Variants in SLCO3A1 observed in about 807,000 individuals in gnomAD.
SLCO3A1 encodes the protein PGE1 transporter.
A neutral mutation model predicts 63.1 loss-of-function variants in SLCO3A1; 27 were observed. The ratio of observed to expected loss-of-function variants is 0.43; its 90% confidence interval spans 0.32 to 0.59. SLCO3A1 has a LOEUF of 0.59. Ranked by LOEUF, SLCO3A1 falls within the 20% of genes least tolerant of loss-of-function variation. The pLI, the probability that SLCO3A1 is intolerant of heterozygous loss-of-function variation, is 0.09. For synonymous variants in SLCO3A1, 473 were observed against 409.9 expected, an observed-to-expected ratio of 1.15 and a Z score of -1.86; for missense variants, 773 against 945.8, an observed-to-expected ratio of 0.82 and a Z score of 2.40.
chr15:91,989,235 T>C (rs1338787069), intron 2 of SLCO3A1, among the ~76,000 whole-genome samples: 1 of 152,224 alleles, frequency 6.6e-6, no homozygotes, highest in East Asian at 1.9e-4. Flanking sequence ...TAGGCTCTTG[T>C]CTTCTCTATC....
intron 1 of SLCO3A1, among the ~76,000 whole-genome samples, chr15:91,907,814 C>T: frequency 6.6e-6 from 1 of 152,196 alleles, no homozygotes; most frequent in East Asian, 1.9e-4. Flanking sequence ...GCGTGAGTCA[C>T]CGTGCCCAGC....
intron 2 of SLCO3A1, among the ~76,000 whole-genome samples, chr15:92,070,390 C>A (rs1317579762): frequency 6.6e-6 from 1 of 152,294 alleles, no homozygotes; most frequent in East Asian, 1.9e-4. Context: ...CGCCTGTAAT[C>A]GCAGCACTTT....
intron 2 of SLCO3A1, among the ~76,000 whole-genome samples, chr15:92,016,212 G>GATAC (rs1567067787): frequency 3.5e-5 from 2 of 57,290 alleles, no homozygotes; most frequent in South Asian, 6.7e-4. Context: ...TATATAGATA[G>GATAC]ATAGATAGAT....
Position 92,163,193 on chromosome 15 carries a change from AAAAG to A in SLCO3A1, c.*62_*65del. 1.4e-6 allele frequency: 2 copies of A among 1,434,658 alleles called. No homozygotes were observed. The highest frequency in any genetic ancestry group is 1.8e-6 in the Non-Finnish European group (2 of 1,100,008). 88.9% of individuals were successfully genotyped at this position (1,434,658 alleles called of 1,614,324 possible). A position where few individuals can be genotyped will look rare whatever the true frequency, so the allele number is the denominator to read the frequency against. On this transcript the variant is annotated 3_prime_UTR_variant, in exon 10 of 10. Transcript: ENST00000318445. Reference sequence around the variant, plus strand: ...ATCCAAGGGTCATTTTTTTCTTAAAAAAAGAAAAAAAGGTTCCAAAAAAAACCAA... The same window carrying A: ...ATCCAAGGGTCATTTTTTTCTTAAAAAAAAAAAGGTTCCAAAAAAAACCAA...
intron 2 of SLCO3A1, among the ~76,000 whole-genome samples, chr15:91,964,129 G>A (rs1900566910): frequency 6.6e-6 from 1 of 152,106 alleles, no homozygotes; most frequent in Admixed American, 6.5e-5. Context: ...AGTATGGGTG[G>A]GGAACCTACT....
chr15:91,998,478 A>C (rs1293292944), intron 2 of SLCO3A1, among the ~76,000 whole-genome samples: 1 of 152,156 alleles, frequency 6.6e-6, no homozygotes, highest in Non-Finnish European at 1.5e-5. Flanking sequence ...AAGTGGGCAA[A>C]AGACATGAAC....
chr15:91,968,799 G>A lies in SLCO3A1; in HGVS notation c.646+52341G>A, dbSNP rs913365125. Among the ~76,000 whole-genome samples the A allele has an allele frequency of 6.6e-6, 1 of 152,210 alleles. No individual in the cohort carries two copies. Among genetic ancestry groups the A allele is most frequent in the Admixed American group, 6.5e-5 (1 of 15,286 alleles). ...GCTCACAGCAGGCACTGCACTGTCCGTGGTTACCCTTAGGGTGGCGCTGTT... is the reference window on the plus strand; with the variant it reads ...GCTCACAGCAGGCACTGCACTGTCCATGGTTACCCTTAGGGTGGCGCTGTT... On this transcript the variant is annotated intron_variant, in intron 2 of 9. Coordinates refer to ENST00000318445, the MANE Select transcript of SLCO3A1 (RefSeq NM_013272.4). The surrounding 1 kb of genome is among the most constrained non-coding windows in gnomAD (Gnocchi z 4.2).
At chr15:92,068,611 G>A (rs917102147) in intron 2 of SLCO3A1, among the ~76,000 whole-genome samples, 3 of 152,078 alleles carry the variant, frequency 2.0e-5, no homozygotes, top group South Asian at 2.1e-4. Context: ...GGGCCACAAC[G>A]CTCCAGTCAC....
chr15:92,022,756 G>A (rs1432591934), intron 2 of SLCO3A1, among the ~76,000 whole-genome samples: 1 of 152,182 alleles, frequency 6.6e-6, no homozygotes, highest in African/African-American at 2.4e-5. Context: ...TAACTGCATG[G>A]TTGGTTAGGG....
chr15:91,944,011 CTT>C (rs2151402840), intron 2 of SLCO3A1, among the ~76,000 whole-genome samples: 1 of 152,296 alleles, frequency 6.6e-6, no homozygotes, highest in East Asian at 1.9e-4. Flanking sequence ...TCATTGGAAA[CTT>C]TTGAGCGTGC....
intron 7 of SLCO3A1, among the ~76,000 whole-genome samples, chr15:92,142,733 C>G (rs1277415273): frequency 6.6e-6 from 1 of 152,140 alleles, no homozygotes; most frequent in African/African-American, 2.4e-5. Context: ...TGGGGCTGTG[C>G]AGGCACCGTG....
chr15:92,101,883 C>T (rs1165929640), intron 3 of SLCO3A1, among the ~76,000 whole-genome samples: 9 of 152,124 alleles, frequency 5.9e-5, no homozygotes, highest in Non-Finnish European at 1.0e-4. Flanking sequence ...TGTGAGCCAG[C>T]GTCAGCTTTC....
intron 2 of SLCO3A1, among the ~76,000 whole-genome samples, chr15:91,999,893 C>T (rs571593602): frequency 1.3e-5 from 2 of 152,176 alleles, no homozygotes; most frequent in African/African-American, 4.8e-5. Context: ...ACCATAGATA[C>T]AGGAGGAAAC....
intron 1 of SLCO3A1, among the ~76,000 whole-genome samples, chr15:91,895,243 G>A (rs112911592): frequency 1.3e-5 from 2 of 152,218 alleles, no homozygotes; most frequent in African/African-American, 4.8e-5. Context: ...TGGTGTCTGG[G>A]AGAAATGAGA....
At chr15:91,901,637 G>A (rs12595532) in intron 1 of SLCO3A1, among the ~76,000 whole-genome samples, 85,414 of 151,950 alleles carry the variant, frequency 0.56, 26,115 homozygotes, top group East Asian at 0.83. Flanking sequence ...CTTGGTTGAC[G>A]GTTTGTTTTC....
intron 1 of SLCO3A1, among the ~76,000 whole-genome samples, chr15:91,880,629 GT>G (rs140883497): frequency 0.1 from 14,676 of 146,754 alleles, 712 homozygotes; most frequent in Admixed American, 0.14. Context: ...TTTTGAGATT[GT>G]TTTTTTTTTT....
At chr15:91,868,878 T>C (rs2141852778) in intron 1 of SLCO3A1, among the ~76,000 whole-genome samples, 1 of 152,338 alleles carries the variant, frequency 6.6e-6, no homozygotes, top group South Asian at 2.1e-4. Context: ...TTCTCATGGC[T>C]TTTCTGTAAC....
intron 9 of SLCO3A1, among the ~76,000 whole-genome samples, chr15:92,154,436 A>T (rs969557296): frequency 2.6e-5 from 4 of 152,242 alleles, no homozygotes; most frequent in Admixed American, 2.6e-4. Context: ...CACACTTGAA[A>T]TGTGGCTTCT....
intron 2 of SLCO3A1, among the ~76,000 whole-genome samples, chr15:92,078,770 G>A (rs1463768208): frequency 6.6e-6 from 1 of 152,086 alleles, no homozygotes; most frequent in South Asian, 2.1e-4. Context: ...GTGTATCTGC[G>A]CATAGGGTTG....
Sources: allele counts gnomAD v4.1 joint callset (sites outside exome capture counted in the v4.1 genomes callset), GRCh38; gene constraint gnomAD v4.1.1; non-coding constraint Gnocchi (gnomAD v3.1); transcripts MANE v1.5; gene names NCBI Gene and HGNC (gene_info 2026-07-23, HGNC 2026-07-21).